The following EIF4E2 variants were observed in gnomAD, a reference collection of about 807,000 sequenced individuals.
The protein encoded by EIF4E2 is eukaryotic translation initiation factor 4E type 2.
A neutral mutation model predicts 34.2 loss-of-function variants in EIF4E2; 13 were observed. The ratio of observed to expected loss-of-function variants is 0.38; its 90% CI spans 0.25 to 0.60. The LOEUF (loss-of-function observed/expected upper bound fraction) is 0.60. Ranked by LOEUF, EIF4E2 falls within the 20% of genes least tolerant of loss-of-function variation. EIF4E2 has a pLI of 0.62. For missense variants in EIF4E2, 222 were observed against 315.1 expected (o/e 0.70, Z 2.24); for synonymous variants, 100 against 106.6 (o/e 0.94, Z 0.38).
At chr2:232,558,757 A>G (rs1692612133) in intron 3 of EIF4E2, 1 of 152,160 alleles carries the variant, frequency 6.6e-6, no homozygotes, top group Non-Finnish European at 1.5e-5. Context: ...TGTATTTAAG[A>G]ACCTCCCATT....
intron 6 of EIF4E2, chr2:232,567,949 T>A: frequency 1.0e-6 from 1 of 981,566 alleles, no homozygotes. Context: ...GAGTTAGGAC[T>A]CTTAGGTTTA....
downstream of EIF4E2, among the ~76,000 whole-genome samples, chr2:232,572,100 TTC>T (rs1243940107): frequency 6.6e-6 from 1 of 152,238 alleles, no homozygotes; most frequent in Non-Finnish European, 1.5e-5. Flanking sequence ...AATTAATTTT[TTC>T]TGTTTTTAGA....
intron 1 of EIF4E2, among the ~76,000 whole-genome samples, chr2:232,554,748 A>G (rs922326324): frequency 5.9e-5 from 9 of 152,226 alleles, no homozygotes; most frequent in Admixed American, 3.3e-4. Flanking sequence ...CCATTCTCTT[A>G]TCTCATACTG....
chr2:232,559,079 G>T (rs980625628), intron 3 of EIF4E2, among the ~76,000 whole-genome samples: 2 of 150,114 alleles, frequency 1.3e-5, no homozygotes, highest in Admixed American at 6.7e-5. Flanking sequence ...CAGAAACTAC[G>T]GGGGAGCGGG....
intron 6 of EIF4E2, 161 bp downstream of exon 6, chr2:232,567,375 G>T: frequency 7.0e-7 from 1 of 1,434,306 alleles, no homozygotes. Flanking sequence ...GCAGTTCTTT[G>T]TCAGCGAGGC....
chr2:232,568,325 C>T (rs1016323608), intron 6 of EIF4E2: 4 of 985,290 alleles, frequency 4.1e-6, no homozygotes, highest in Admixed American at 6.1e-5. Context: ...TAAGTGGGAA[C>T]ACTGCTATGG....
intron 4 of EIF4E2, among the ~76,000 whole-genome samples, chr2:232,565,504 C>T (rs1052141510): frequency 3.3e-5 from 5 of 151,530 alleles, no homozygotes; most frequent in Non-Finnish European, 7.4e-5. Context: ...TGTGGTGGCA[C>T]GCGCCTGTAA....
intron 1 of EIF4E2, among the ~76,000 whole-genome samples, chr2:232,556,080 A>T (rs1218120439): frequency 6.6e-6 from 1 of 152,230 alleles, no homozygotes; most frequent in African/African-American, 2.4e-5. Flanking sequence ...ATGCCATAGC[A>T]TTAGAGACTC....
rs4973542 is a variant in EIF4E2 at position 232,553,171 on chromosome 2, A to T, written c.20+2427A>T. Among the ~76,000 whole-genome samples, 1,170 of 152,328 alleles carry T rather than the reference A, an allele frequency of 7.7e-3. 10 individuals are homozygous for T. Among genetic ancestry groups the T allele is most frequent in the South Asian group, 0.022 (106 of 4,832 alleles). ...GCTTTTGTGGAGAAGGGGTAGACCT[A>T]TCAAGTCCTTAGATCTCATTGCCAT... On this transcript the variant is annotated intron_variant, in intron 1 of 6. Coordinates refer to ENST00000258416, the MANE Select transcript of EIF4E2 (RefSeq NM_004846.4).
At chr2:232,568,174 TATC>T (rs1380209769) in intron 6 of EIF4E2, 1 of 985,124 alleles carries the variant, frequency 1.0e-6, no homozygotes, top group African/African-American at 1.7e-5. Flanking sequence ...TTAGTAAGAA[TATC>T]ATCATGTTGT....
At chr2:232,558,603 T>G in intron 3 of EIF4E2, 1 of 145,910 alleles carries the variant, frequency 6.9e-6, no homozygotes. Flanking sequence ...TTTTTGTTTG[T>G]TTTGTTTGCT....
chr2:232,574,437 T>A, intron 6 of EIF4E2: 1 of 1,291,970 alleles, frequency 7.7e-7, no homozygotes, highest in Middle Eastern at 1.8e-4. Flanking sequence ...TCTACCAACA[T>A]TGAGCCTCAG....
At chr2:232,574,201 C>T, downstream of EIF4E2, 2 of 1,496,476 alleles carry the variant, frequency 1.3e-6, no homozygotes, top group Non-Finnish European at 1.8e-6. Flanking sequence ...TGTGTCTGCT[C>T]TCTGTGTTCA....
At chr2:232,577,215 C>T (rs1460208441) in intron 6 of EIF4E2, among the ~76,000 whole-genome samples, 4 of 152,198 alleles carry the variant, frequency 2.6e-5, no homozygotes, top group Non-Finnish European at 5.9e-5. Context: ...ACTGAATATG[C>T]AGGGAGAGAA....
At position 232,556,750 on chromosome 2, in the gene EIF4E2, C is replaced by T. The variant is rs559327350; in HGVS notation, c.135+220C>T. ...TCTTGAGATGCTGCCTTGCTTTCAA[C>T]GTTCTCCTAGCCTGAGATGGAGATT... On this transcript the variant is annotated intron_variant, in intron 2 of 6. Coordinates refer to ENST00000258416, the MANE Select transcript of EIF4E2 (RefSeq NM_004846.4). Among the ~76,000 whole-genome samples the T allele has an allele frequency of 9.8e-5, 15 of 152,328 alleles. No homozygotes were observed. The South Asian group carries it at 3.1e-3, about 32-fold the overall frequency.
chr2:232,580,425 A>G (rs1231301151), intron 6 of EIF4E2, among the ~76,000 whole-genome samples: 1 of 152,136 alleles, frequency 6.6e-6, no homozygotes, highest in African/African-American at 2.4e-5. Flanking sequence ...CCACTGCCCC[A>G]TGTAACCACT....
In EIF4E2 at chr2:232,556,494, G is replaced by A. The variant is rs780492980; in HGVS notation, c.99G>A (p.Thr33=). 3.2e-5 allele frequency: 51 copies of A among 1,613,402 alleles called. 1 individual carries two copies. The South Asian group carries it at 4.6e-4, about 15-fold the overall frequency. ...AGAAAGATGGTGAGAAGGAAAAAAC[G>A]GAACGAGACAAGAATCAGAGCAGTA... ...STQKDGEKEK[T]ERDKNQSSSK... is the part of the protein sequence containing the mutation. Residue 33 remains threonine (T), a synonymous_variant, in exon 2 of 7, where the codon ACG becomes ACA. Coordinates refer to ENST00000258416, the MANE Select transcript of EIF4E2 (RefSeq NM_004846.4).
chr2:232,563,338 G>A (rs189562076), intron 3 of EIF4E2, among the ~76,000 whole-genome samples: 236 of 152,104 alleles, frequency 1.6e-3, no homozygotes, highest in African/African-American at 5.0e-3. Context: ...CCAGGAGTTA[G>A]AGGCTGTGAT....
At chr2:232,552,566 A>G (rs1692381546) in intron 1 of EIF4E2, among the ~76,000 whole-genome samples, 1 of 152,202 alleles carries the variant, frequency 6.6e-6, no homozygotes, top group Non-Finnish European at 1.5e-5. Flanking sequence ...GTCTCCTTTT[A>G]CAGATGAGGA....
Sources: allele counts gnomAD v4.1 joint callset (sites outside exome capture counted in the v4.1 genomes callset), GRCh38; gene constraint gnomAD v4.1.1; transcripts MANE v1.5; gene names NCBI Gene and HGNC (gene_info 2026-07-23, HGNC 2026-07-21).